Variants in LAMA3 observed in about 807,000 individuals in gnomAD.
The protein encoded by LAMA3 is laminin subunit alpha 3.
Under a neutral mutation model 402.0 loss-of-function variants are expected in LAMA3, and 281 were observed. That is an observed-to-expected ratio of 0.70 (90% CI 0.63 to 0.77). The LOEUF (loss-of-function observed/expected upper bound fraction) is 0.77, where lower values mean the gene tolerates loss of function less well. Ranked by LOEUF, LAMA3 falls within the 30% of genes least tolerant of loss-of-function variation. LAMA3 has a pLI of 0.00. For missense variants in LAMA3, 3,840 were observed against 4,215.5 expected, an observed-to-expected ratio of 0.91 and a Z score of 2.47; for synonymous variants, 1,431 against 1,558.4, an observed-to-expected ratio of 0.92 and a Z score of 1.93.
At position 23,950,117 on chromosome 18, in the gene LAMA3, T is replaced by C; in HGVS notation, c.9600T>C (p.Ser3200=). 1 of 1,614,104 alleles carries C rather than the reference T, an allele frequency of 6.2e-7. No individual in the cohort carries two copies. Among genetic ancestry groups the C allele is most frequent in the South Asian group, 1.1e-5 (1 of 91,064 alleles). Residue 3200 remains serine (S), a synonymous_variant, in exon 72 of 75, where the codon AGT becomes AGC. Coordinates refer to ENST00000313654, the MANE Select transcript of LAMA3 (RefSeq NM_198129.4). ...SLTGILIHIG[S]QPGKHLCVYL... is the part of the protein sequence containing the mutation. ...CTGGGATCCTAATACACATCGGAAG[T>C]CAGCCCGGGAAGCACTTATGTGTTT...
intron 34 of LAMA3, among the ~76,000 whole-genome samples, chr18:23,860,398 A>G (rs770973224): frequency 1.3e-5 from 2 of 150,724 alleles, no homozygotes; most frequent in Non-Finnish European, 2.9e-5. Flanking sequence ...AGCTGGGACT[A>G]CAGGCATGCA....
At chr18:23,812,960 C>T (rs1943615847) in intron 13 of LAMA3, 97 bp from the exon 14 acceptor site, 10 of 814,772 alleles carry the variant, frequency 1.2e-5, no homozygotes, top group East Asian at 1.0e-4. Flanking sequence ...AATGTAGATA[C>T]ACTATTTTTG....
At chr18:23,805,997 C>G (rs1020312001) in intron 12 of LAMA3, among the ~76,000 whole-genome samples, 1 of 152,140 alleles carries the variant, frequency 6.6e-6, no homozygotes. Flanking sequence ...TTCATTTGAC[C>G]TACAACTCTT....
In LAMA3 at chr18:23,954,746, C is replaced by A. The variant is rs890166471; in HGVS notation, c.*98C>A. 2.4e-6 allele frequency: 3 copies of A among 1,269,830 alleles called. No homozygotes were observed. Among genetic ancestry groups the A allele is most frequent in the Admixed American group, 1.7e-5 (1 of 59,384 alleles). The allele number at this position is 1,269,830 out of a possible 1,614,324, so 78.7% of individuals were successfully genotyped here. A position where few individuals can be genotyped will look rare whatever the true frequency, so the allele number is the denominator to read the frequency against. Reference sequence around the variant, plus strand: ...TCGAGATCATTCTTCACTCAGGACACAAACCAGACAGGTTTAATAGCGAAT... The same window carrying A: ...TCGAGATCATTCTTCACTCAGGACAAAAACCAGACAGGTTTAATAGCGAAT... On this transcript the variant is annotated 3_prime_UTR_variant, in exon 75 of 75. Transcript: ENST00000313654.
chr18:23,921,581 G>A lies in LAMA3; in HGVS notation c.8173G>A (p.Glu2725Lys). Residue 2725 changes from glutamate (E) to lysine (K), a missense_variant, in exon 62 of 75, where the codon GAA (glutamate) becomes AAA (lysine). By Grantham distance (56) the Glu-to-Lys change is moderately conservative (BLOSUM62 1). This residue lies in a region of LAMA3 where 840 missense variants were observed against 981.9 expected (regional missense o/e 0.86). Transcript: ENST00000313654. ...GGGAGGAATTCCAATTGCAATCAGG[G>A]AAAGGTAAGATGATTTTTTTAAAAC... ...YLGGIPIAIR[E>K]RFNISTPAFR... 6.2e-7 allele frequency: 1 copy of A among 1,613,848 alleles called. No homozygotes were observed. The highest frequency in any genetic ancestry group is 8.5e-7 in the Non-Finnish European group (1 of 1,179,882).
chr18:23,761,671 G>A lies in LAMA3; in HGVS notation c.1064-1734G>A, dbSNP rs530652671. 3.0e-4 allele frequency among the ~76,000 whole-genome samples: 46 copies of A among 152,176 alleles called. No homozygotes were observed. In the South Asian group the frequency reaches 7.5e-3, roughly 25 times the overall value. The stretch of plus-strand genomic sequence containing the variant: ...TAGTGGTAGTAATAATATTCTCTTC[G>A]TGCATGAAGTTTAATTGGCATTTGG... On this transcript the variant is annotated intron_variant, in intron 7 of 74. Coordinates refer to ENST00000313654, the MANE Select transcript of LAMA3 (RefSeq NM_198129.4).
chr18:23,731,021 A>G (rs1240377544), intron 2 of LAMA3, among the ~76,000 whole-genome samples: 2 of 152,144 alleles, frequency 1.3e-5, no homozygotes, highest in Non-Finnish European at 2.9e-5. Flanking sequence ...ACTGAACATC[A>G]AAGGCTGTCT....
rs750852201 is a variant in LAMA3 at position 23,751,066 on chromosome 18, G to A, written c.833G>A (p.Arg278Gln). The A allele has an allele frequency of 8.1e-6, 13 of 1,614,094 alleles. No homozygotes were observed. The highest frequency in any genetic ancestry group is 1.7e-5 in the Admixed American group (1 of 60,004). Residue 278 changes from arginine to glutamine, a missense_variant, in exon 5 of 75, where the codon CGA becomes CAA. Arg to Gln is a conservative substitution (Grantham distance 43, BLOSUM62 1). Around this residue, in one of 3 missense-constraint regions of LAMA3, gnomAD observed 2,109 missense variants for 2,376.0 expected, o/e 0.89. Coordinates refer to ENST00000313654, the MANE Select transcript of LAMA3 (RefSeq NM_198129.4). ...LLGHLISKAQ[R>Q]DPTVTRRYYY... Reference sequence around the variant, plus strand: ...GGACACCTCATCTCCAAAGCCCAGCGAGATCCAACTGTCACTCGGCGGGTG... The same window carrying A: ...GGACACCTCATCTCCAAAGCCCAGCAAGATCCAACTGTCACTCGGCGGGTG...
In LAMA3 at chr18:23,928,476, CTTA is replaced by C. The variant is rs544681998; in HGVS notation, c.8296-144_8296-142del. 2.5e-4 allele frequency: 221 copies of C among 889,716 alleles called. 1 individual carries two copies. The South Asian group carries it at 2.9e-3, about 12-fold the overall frequency. 55.1% of individuals were successfully genotyped at this position (889,716 alleles called of 1,614,324 possible). A position where few individuals can be genotyped will look rare whatever the true frequency, so the allele number is the denominator to read the frequency against. Reference sequence around the variant, plus strand: ...ACAAAAACTTACAGATGATTGCTGACTTATTATGCAGAAAAGTAAGCTCTCTTT... The same window carrying C: ...ACAAAAACTTACAGATGATTGCTGACTTATGCAGAAAAGTAAGCTCTCTTT... On this transcript the variant is annotated intron_variant, in intron 63 of 74. Transcript: ENST00000313654.
At chr18:23,792,455 C>G (rs1378740917) in intron 12 of LAMA3, among the ~76,000 whole-genome samples, 1 of 152,078 alleles carries the variant, frequency 6.6e-6, no homozygotes, top group Non-Finnish European at 1.5e-5. Context: ...TTATAACAAC[C>G]CACTCTCACG....
intron 2 of LAMA3, among the ~76,000 whole-genome samples, chr18:23,744,306 C>T (rs1380101217): frequency 6.6e-6 from 1 of 152,134 alleles, no homozygotes; most frequent in Non-Finnish European, 1.5e-5. Flanking sequence ...GAGATACACC[C>T]TACCAATATT....
Position 23,822,241 on chromosome 18 carries a change from G to A in LAMA3, c.2305-11G>A, listed in dbSNP as rs1246780631. 1.2e-6 allele frequency: 2 copies of A among 1,613,814 alleles called. No individual in the cohort carries two copies. The highest frequency in any genetic ancestry group is 1.7e-5 in the Admixed American group (1 of 60,008). ...TTTTTCTATGCTTTATGGCGTTTCG[G>A]TATTTTTCAGAATGATGTAAGAATA... On this transcript the variant is annotated splice_polypyrimidine_tract_variant and intron_variant, in intron 19 of 74. Coordinates refer to ENST00000313654, the MANE Select transcript of LAMA3 (RefSeq NM_198129.4).
intron 1 of LAMA3, among the ~76,000 whole-genome samples, chr18:23,712,294 C>T (rs1183426740): frequency 2.7e-5 from 4 of 150,904 alleles, no homozygotes; most frequent in Non-Finnish European, 5.9e-5. Context: ...GCAGGAGAAT[C>T]GCTTGAACCT....
At chr18:23,798,904 C>A (rs2062817320) in intron 12 of LAMA3, among the ~76,000 whole-genome samples, 2 of 152,184 alleles carry the variant, frequency 1.3e-5, no homozygotes, top group Admixed American at 1.3e-4. Context: ...AGTGTTGCTT[C>A]GCTCATGAGC....
Position 23,838,819 on chromosome 18 carries a change from T to A in LAMA3, c.3132T>A (p.Ala1044=). The change falls in exon 26 of 75, where the codon GCT becomes GCA. Residue 1044 remains alanine (A), a synonymous_variant. Coordinates refer to ENST00000313654, the MANE Select transcript of LAMA3 (RefSeq NM_198129.4). ...VCIIPIEEFS[A]EYVRPQVHCI... ...TCATACCTATTGAAGAATTCTCAGC[T>A]GAGTATGTGAGACCACAAGTCCACT... The A allele has an allele frequency of 6.2e-7, 1 of 1,612,256 alleles. No homozygotes were observed. Among genetic ancestry groups the A allele is most frequent in the Non-Finnish European group, 8.5e-7 (1 of 1,178,282 alleles).
chr18:23,916,559 A>C lies in LAMA3; in HGVS notation c.7787A>C (p.Glu2596Ala), dbSNP rs780201271. The change falls in exon 60 of 75, where the codon GAA becomes GCA. Residue 2596 changes from glutamate to alanine, a missense_variant. By Grantham distance (107) the Glu-to-Ala change is moderately radical. This residue lies in a region of LAMA3 where 840 missense variants were observed against 981.9 expected (regional missense o/e 0.86). Coordinates refer to ENST00000313654, the MANE Select transcript of LAMA3 (RefSeq NM_198129.4). Reference sequence around the variant, plus strand: ...ATGATTAATGTTGACAGGAGGAAGGAAGAGTCAGACAAAAATTATTTTGAA... The same window carrying C: ...ATGATTAATGTTGACAGGAGGAAGGCAGAGTCAGACAAAAATTATTTTGAA... Reference protein sequence around the residue: ...TEVEPCRRRKEESDKNYFEGT... With the variant: ...TEVEPCRRRKAESDKNYFEGT... 1.6e-5 allele frequency: 26 copies of C among 1,614,028 alleles called. No homozygotes were observed. The highest frequency in any genetic ancestry group is 2.1e-5 in the Non-Finnish European group (25 of 1,179,998).
At chr18:23,876,437 G>A in intron 39 of LAMA3, 30 bp downstream of exon 39, 1 of 1,393,786 alleles carries the variant, frequency 7.2e-7, no homozygotes, top group East Asian at 2.3e-5. Context: ...AATGCTATCA[G>A]CAGACAATCT....
Position 23,753,705 on chromosome 18 carries a change from G to C in LAMA3, c.856-16G>C. The C allele has an allele frequency of 6.2e-7, 1 of 1,600,442 alleles. No individual in the cohort carries two copies. The highest frequency in any genetic ancestry group is 8.6e-7 in the Non-Finnish European group (1 of 1,167,566). The stretch of plus-strand genomic sequence containing the variant: ...CTGTTCAGTGAAACTTGCATGTTCT[G>C]TGTTCTGTTGTGCAGTATTATTACA... On this transcript the variant is annotated splice_polypyrimidine_tract_variant and intron_variant, in intron 5 of 74. Coordinates refer to ENST00000313654, the MANE Select transcript of LAMA3 (RefSeq NM_198129.4).
intron 29 of LAMA3, 130 bp downstream of exon 29, chr18:23,842,880 T>G (rs1568244573): frequency 1.7e-6 from 2 of 1,173,202 alleles, no homozygotes; most frequent in East Asian, 2.4e-5. Flanking sequence ...ATGTTTAAAT[T>G]TTACAGCTGT....
Sources: gnomAD v4.1 joint callset for allele counts (sites outside exome capture counted in the v4.1 genomes callset) on GRCh38, gnomAD v4.1.1 for gene constraint, gnomAD v4.1.1 regional missense constraint, MANE v1.5 for transcripts, NCBI Gene and HGNC (gene_info 2026-07-23, HGNC 2026-07-21) for gene names.